The following FAM178B variants were observed in gnomAD, a reference collection of about 807,000 sequenced individuals.
The protein encoded by FAM178B is family with sequence similarity 178 member B.
Under a neutral mutation model 91.7 loss-of-function variants are expected in FAM178B, and 82 were observed. The ratio of observed to expected loss-of-function variants is 0.89; its 90% CI spans 0.75 to 1.07. FAM178B has a LOEUF of 1.07. Among genes scored for constraint, FAM178B ranks in the 50% least tolerant of loss-of-function variants. The pLI, the probability that FAM178B is intolerant of heterozygous loss-of-function variation, is 0.00. For synonymous variants in FAM178B, 368 were observed against 359.4 expected, an observed-to-expected ratio of 1.02 and a Z score of -0.27; for missense variants, 769 against 846.7, an observed-to-expected ratio of 0.91 and a Z score of 1.14.
At chr2:96,917,450 GAC>G (rs2081259829) in intron 12 of FAM178B, among the ~76,000 whole-genome samples, 1 of 152,176 alleles carries the variant, frequency 6.6e-6, no homozygotes, top group Non-Finnish European at 1.5e-5. Flanking sequence ...TTCCACAAAA[GAC>G]ACTGATTCAT....
intron 1 of FAM178B, among the ~76,000 whole-genome samples, chr2:96,979,809 T>C (rs1428199561): frequency 6.6e-6 from 1 of 152,206 alleles, no homozygotes; most frequent in Admixed American, 6.5e-5. Context: ...TTTTTGACTT[T>C]TGAGTAACAG....
At chr2:96,958,408 C>T (rs1338907289) in intron 6 of FAM178B, among the ~76,000 whole-genome samples, 4 of 151,928 alleles carry the variant, frequency 2.6e-5, no homozygotes, top group Non-Finnish European at 4.4e-5. Context: ...AAATTGAAGG[C>T]CAGGCGCAGT....
chr2:96,964,483 G>C (rs1249908848), intron 5 of FAM178B, among the ~76,000 whole-genome samples: 2 of 152,116 alleles, frequency 1.3e-5, no homozygotes, highest in African/African-American at 4.8e-5. Flanking sequence ...AGGAGACGGG[G>C]TGTATTGCCT....
chr2:96,972,524 T>C lies in FAM178B; in HGVS notation c.142+14A>G. The stretch of plus-strand genomic sequence containing the variant: ...CTCAGTGGGGATTTACCTGTGCAGG[T>C]GAGAGACGCCTACCTTCTCTCAGAG... On this transcript the variant is annotated intron_variant, in intron 2 of 16. Transcript: ENST00000490605. The C allele has an allele frequency of 1.9e-6, 3 of 1,551,582 alleles. No homozygotes were observed. The highest frequency in any genetic ancestry group is 2.6e-6 in the Non-Finnish European group (3 of 1,146,882).
intron 1 of FAM178B, among the ~76,000 whole-genome samples, chr2:96,979,001 A>G (rs1338554094): frequency 4.1e-5 from 5 of 122,424 alleles, no homozygotes; most frequent in East Asian, 2.5e-4. Context: ...TTTTTGAAAC[A>G]GAGTCTTGCT....
chr2:96,970,567 G>T (rs2082203856), intron 4 of FAM178B, 149 bp downstream of exon 4: 1 of 550,716 alleles, frequency 1.8e-6, no homozygotes, highest in South Asian at 3.0e-5. Context: ...CTGCCCTGGC[G>T]ACCTGCCTGT....
chr2:96,980,860 T>C (rs1288490035), intron 1 of FAM178B, among the ~76,000 whole-genome samples: 1 of 152,206 alleles, frequency 6.6e-6, no homozygotes, highest in Non-Finnish European at 1.5e-5. Context: ...AATTCAAGTC[T>C]ATTGCCCATT....
At chr2:96,968,860 C>A (rs1386459484) in intron 4 of FAM178B, among the ~76,000 whole-genome samples, 1 of 152,208 alleles carries the variant, frequency 6.6e-6, no homozygotes, top group Non-Finnish European at 1.5e-5. Context: ...CAGGCTCCAG[C>A]CCCATGCACA....
chr2:96,966,397 T>A (rs183228577), intron 5 of FAM178B, among the ~76,000 whole-genome samples: 80 of 152,202 alleles, frequency 5.3e-4, no homozygotes, highest in Non-Finnish European at 9.0e-4. Context: ...CCCACACCTT[T>A]CCCAGCACTC....
intron 9 of FAM178B, among the ~76,000 whole-genome samples, chr2:96,928,020 C>T (rs1050392149): frequency 5.9e-5 from 9 of 152,346 alleles, no homozygotes; most frequent in South Asian, 2.1e-4. Flanking sequence ...GGCAGGAGCA[C>T]GGCAGGCTGG....
At chr2:96,894,086 G>A (rs2080750302) in intron 13 of FAM178B, 35 bp from the exon 14 acceptor site, 4 of 1,577,662 alleles carry the variant, frequency 2.5e-6, no homozygotes, top group Non-Finnish European at 3.4e-6. Context: ...ACTCACAGAG[G>A]GTGGTGGCCA....
chr2:96,953,831 C>T (rs1372255972), intron 6 of FAM178B, among the ~76,000 whole-genome samples: 1 of 152,206 alleles, frequency 6.6e-6, no homozygotes, highest in Non-Finnish European at 1.5e-5. Context: ...AGGGTGACCT[C>T]AAGCTTGGCT....
rs1213141987 is a variant in FAM178B, at chr2:96,921,499, G to A, written c.1443C>T (p.Asn481=). 3 of 1,551,706 alleles carry A rather than the reference G, an allele frequency of 1.9e-6. No individual in the cohort carries two copies. The highest frequency in any genetic ancestry group is 4.9e-5 in the East Asian group (2 of 40,912). ...GTACCTTCCCTGGCCACTCCCGGAT[G>A]TTCTCCAGGAGCAAGAGGAGAAGCT... ...LQQLLLLLLE[N]IREWPGKLQE... The change falls in exon 11 of 17, where the codon AAC becomes AAT. Residue 481 remains asparagine, a synonymous_variant. Transcript: ENST00000490605.
intron 13 of FAM178B, chr2:96,894,930 C>A: frequency 1.8e-6 from 1 of 557,420 alleles, no homozygotes; most frequent in Non-Finnish European, 2.8e-6. Context: ...CATCCCCACC[C>A]CCTGCACTGC....
rs1441257518 is a variant in FAM178B, at chr2:96,929,223, G to A, written c.1176C>T (p.Pro392=). 1.9e-6 allele frequency: 3 copies of A among 1,551,170 alleles called. No homozygotes were observed. In the South Asian group the frequency reaches 3.6e-5, roughly 18 times the overall value. Residue 392 remains proline (P), a synonymous_variant, in exon 9 of 17, where the codon CCC becomes CCT. Coordinates refer to ENST00000490605, the MANE Select transcript of FAM178B (RefSeq NM_001122646.3). ...AHSPALYPLG[P]FWHGGRVLPG... Reference sequence around the variant, plus strand: ...GTACTCACCTGCCACCGTGCCAAAAGGGCCCCAGAGGGTACAGGGCAGGAC... The same window carrying A: ...GTACTCACCTGCCACCGTGCCAAAAAGGCCCCAGAGGGTACAGGGCAGGAC...
Position 96,878,361 on chromosome 2 carries a change from G to A in FAM178B, c.1854+55C>T, listed in dbSNP as rs917096799. ...ATCCCAGCCAACCCCCGCCGCTTGG[G>A]GGAGAAGACACAGCTGGGCACCCCC... On this transcript the variant is annotated intron_variant, in intron 15 of 16. Coordinates refer to ENST00000490605, the MANE Select transcript of FAM178B (RefSeq NM_001122646.3). 2.6e-6 allele frequency: 4 copies of A among 1,547,176 alleles called. No individual in the cohort carries two copies. The African/African-American group carries it at 4.1e-5, about 16-fold the overall frequency.
At chr2:96,970,995 T>A (rs2153375697) in intron 3 of FAM178B, among the ~76,000 whole-genome samples, 1 of 151,830 alleles carries the variant, frequency 6.6e-6, no homozygotes, top group African/African-American at 2.4e-5. Flanking sequence ...TCCCCACAGG[T>A]GCCCATGGGA....
chr2:96,964,475 G>C (rs962709075), intron 5 of FAM178B, among the ~76,000 whole-genome samples: 1 of 152,120 alleles, frequency 6.6e-6, no homozygotes, highest in Non-Finnish European at 1.5e-5. Context: ...GGTGGCAGAG[G>C]AGACGGGGTG....
At chr2:96,932,020 C>T (rs1303128328) in intron 8 of FAM178B, among the ~76,000 whole-genome samples, 2 of 152,262 alleles carry the variant, frequency 1.3e-5, no homozygotes, top group African/African-American at 2.4e-5. Context: ...GGACTGTGCA[C>T]GTATGTGCAT....
Sources: gnomAD v4.1 joint callset for allele counts (sites outside exome capture counted in the v4.1 genomes callset) on GRCh38, gnomAD v4.1.1 for gene constraint, MANE v1.5 for transcripts, NCBI Gene and HGNC (gene_info 2026-07-23, HGNC 2026-07-21) for gene names.